The following FAM193B variants were observed in gnomAD, a reference collection of about 807,000 sequenced individuals.
The protein encoded by FAM193B is protein FAM193B.
A neutral mutation model predicts 70.7 loss-of-function variants in FAM193B; 27 were observed. The observed-to-expected ratio is 0.38, with a 90% CI of 0.28 to 0.53. The LOEUF (loss-of-function observed/expected upper bound fraction) is 0.53. FAM193B is among the 20% of genes least tolerant of loss of function. The probability of loss-of-function intolerance (pLI) is 0.81; values close to 1 mark genes in which losing one functional copy is unlikely to be tolerated. For synonymous variants in FAM193B, 448 were observed against 436.0 expected, an observed-to-expected ratio of 1.03 and a Z score of -0.34; for missense variants, 1,022 against 1,072.5, an observed-to-expected ratio of 0.95 and a Z score of 0.66.
rs1762880432 is a variant in FAM193B, at chr5:177,528,029, C to T, written c.1276-2824G>A. 2.6e-5 allele frequency among the ~76,000 whole-genome samples: 4 copies of T among 152,224 alleles called. No homozygotes were observed. In the South Asian group the frequency reaches 8.3e-4, roughly 32 times the overall value. ...TGGCATCTCTTTCCCAGGGAGATGT[C>T]CCCATGAAGGAGGGTCAAGTGGAGG... On this transcript the variant is annotated intron_variant, in intron 5 of 8. Coordinates refer to ENST00000514747, the MANE Select transcript of FAM193B (RefSeq NM_001190946.3).
At chr5:177,552,276 C>T (rs1281088383) in intron 1 of FAM193B, 2 of 155,144 alleles carry the variant, frequency 1.3e-5, no homozygotes, top group African/African-American at 4.8e-5. Context: ...CATCAATGGT[C>T]AATTCATCAT....
intron 7 of FAM193B, 107 bp from the exon 8 acceptor site, chr5:177,522,178 C>T: frequency 1.2e-5 from 11 of 886,204 alleles, no homozygotes; most frequent in Non-Finnish European, 2.0e-5. Context: ...AGGTTCTCTA[C>T]AAAACCTCTT....
chr5:177,541,512 A>G (rs1001715786), intron 1 of FAM193B, among the ~76,000 whole-genome samples: 1 of 151,860 alleles, frequency 6.6e-6, no homozygotes, highest in Non-Finnish European at 1.5e-5. Context: ...TCCGCCTCCC[A>G]GGTTCACGCC....
chr5:177,530,039 T>C (rs1025908407), intron 5 of FAM193B, among the ~76,000 whole-genome samples: 1 of 152,224 alleles, frequency 6.6e-6, no homozygotes, highest in Non-Finnish European at 1.5e-5. Context: ...TGGAACTAGC[T>C]GGTTGTTACA....
chr5:177,524,320 C>T lies in FAM193B; in HGVS notation c.2161G>A (p.Gly721Ser). ...TCCTGAGGCCGTGCCTTGGCCTCGCCTGGCCAGTTTCGCCAGGAGCTGCCC... is the reference window on the plus strand; with the variant it reads ...TCCTGAGGCCGTGCCTTGGCCTCGCTTGGCCAGTTTCGCCAGGAGCTGCCC... Reference protein sequence around the residue: ...EKGSSWRNWPGEAKARPQEQE... With the variant: ...EKGSSWRNWPSEAKARPQEQE... The change falls in exon 6 of 9, where the codon GGC becomes AGC. Residue 721 changes from glycine to serine, a missense_variant. Coordinates refer to ENST00000514747, the MANE Select transcript of FAM193B (RefSeq NM_001190946.3). 6.3e-7 allele frequency: 1 copy of T among 1,585,744 alleles called. No homozygotes were observed. Among genetic ancestry groups the T allele is most frequent in the South Asian group, 1.1e-5 (1 of 87,184 alleles).
rs1561774281 is a variant in FAM193B at position 177,538,100 on chromosome 5, AAGG to A, written c.458_460del (p.Ser153del). 6.5e-7 allele frequency: 1 copy of A among 1,540,512 alleles called. No individual in the cohort carries two copies. The highest frequency in any genetic ancestry group is 8.8e-7 in the Non-Finnish European group (1 of 1,137,562). On this transcript the variant is annotated inframe_deletion, in exon 3 of 9. Coordinates refer to ENST00000514747, the MANE Select transcript of FAM193B (RefSeq NM_001190946.3). The surrounding 1 kb of genome is among the most constrained non-coding windows in gnomAD (Gnocchi z 4.1). The stretch of plus-strand genomic sequence containing the variant: ...CTGTGATTTGCAGGATGTGTGTGAC[AAGG>A]AGATCTGGAGAAGGGGGAGGAAAAA...
rs75183240 is a variant in FAM193B at position 177,550,132 on chromosome 5, T to C, written c.210+4117A>G. Among the ~76,000 whole-genome samples, 771 of 152,158 alleles carry C rather than the reference T, an allele frequency of 5.1e-3. 5 individuals carry two copies. Among genetic ancestry groups the C allele is most frequent in the African/African-American group, 0.018 (731 of 41,452 alleles). Reference sequence around the variant, plus strand: ...GAGTTTGAGGATAGCCTGGGCAACATAGCAAGATCCTATCTCTAAATTAAA... The same window carrying C: ...GAGTTTGAGGATAGCCTGGGCAACACAGCAAGATCCTATCTCTAAATTAAA... On this transcript the variant is annotated intron_variant, in intron 1 of 8. Transcript: ENST00000514747.
In FAM193B at chr5:177,524,342, G is replaced by A. The variant is rs1581839518; in HGVS notation, c.2139C>T (p.Gly713=). 1.9e-6 allele frequency: 3 copies of A among 1,579,988 alleles called. No individual in the cohort carries two copies. Among genetic ancestry groups the A allele is most frequent in the Non-Finnish European group, 2.6e-6 (3 of 1,163,466 alleles). The change falls in exon 6 of 9, where the codon GGC becomes GGT. Residue 713 remains glycine, a synonymous_variant. Transcript: ENST00000514747. ...AGSPKTEKEK[G]SSWRNWPGEA... is the part of the protein sequence containing the mutation. ...CGCCTGGCCAGTTTCGCCAGGAGCT[G>A]CCCTTCTCCTTCTCAGTTTTGGGAC...
intron 5 of FAM193B, chr5:177,531,983 C>A: frequency 1.6e-6 from 2 of 1,289,410 alleles, no homozygotes; most frequent in African/African-American, 1.5e-5. Context: ...CTTCCTCCCC[C>A]TGGCCAGAGC....
intron 1 of FAM193B, among the ~76,000 whole-genome samples, chr5:177,543,069 C>T (rs1208029152): frequency 6.6e-6 from 1 of 152,116 alleles, no homozygotes; most frequent in Non-Finnish European, 1.5e-5. Context: ...CAATCTTAAC[C>T]GCGTTAAGAG....
chr5:177,538,987 T>C lies in FAM193B; in HGVS notation c.371A>G (p.Glu124Gly). ...MPKLVKNLLG[E>G]MPLWVCQSCR... ...ACTCTGGCAGACCCACAGAGGCATC[T>C]CGCCTAGGAGATTCTTGACGAGCTT... Residue 124 changes from glutamate (E) to glycine (G), a missense_variant, in exon 2 of 9, where the codon GAG (glutamate) becomes GGG (glycine). Transcript: ENST00000514747. This position sits in a 1 kb window ranked among gnomAD's most constrained non-coding sequence, Gnocchi z 4.1. 2 of 1,614,048 alleles carry C rather than the reference T, an allele frequency of 1.2e-6. No individual in the cohort carries two copies. Among genetic ancestry groups the C allele is most frequent in the East Asian group, 4.5e-5 (2 of 44,886 alleles).
chr5:177,547,432 G>C (rs528233731), intron 1 of FAM193B, among the ~76,000 whole-genome samples: 6 of 150,354 alleles, frequency 4.0e-5, no homozygotes, highest in Admixed American at 6.6e-5. Context: ...CTACAGGCAC[G>C]CGCCACCATG....
Position 177,538,779 on chromosome 5 carries a change from C to A in FAM193B, c.453+126G>T. On this transcript the variant is annotated intron_variant, in intron 2 of 8. Coordinates refer to ENST00000514747, the MANE Select transcript of FAM193B (RefSeq NM_001190946.3). The surrounding 1 kb of genome is among the most constrained non-coding windows in gnomAD (Gnocchi z 4.1). The stretch of plus-strand genomic sequence containing the variant: ...GCTGCCAATGCTGTGCCAGTGCAGC[C>A]CAGAAGTCTCTCAGTGCCTGGGCAT... 1 of 1,311,070 alleles carries A rather than the reference C, an allele frequency of 7.6e-7. No individual in the cohort carries two copies. Among genetic ancestry groups the A allele is most frequent in the Non-Finnish European group, 1.1e-6 (1 of 951,712 alleles). 81.2% of individuals were successfully genotyped at this position (1,311,070 alleles called of 1,614,324 possible).
Position 177,532,728 on chromosome 5 carries a change from G to T in FAM193B, c.1077-87C>A. 7.8e-7 allele frequency: 1 copy of T among 1,287,320 alleles called. No homozygotes were observed. The highest frequency in any genetic ancestry group is 1.0e-6 in the Non-Finnish European group (1 of 976,264). The allele number at this position is 1,287,320 out of a possible 1,614,324, so 79.7% of individuals were successfully genotyped here. ...CCAACCACCACCTGCCATCCTGACC[G>T]CCCTTCACTTGCCCCACTCCACAGA... On this transcript the variant is annotated intron_variant, in intron 4 of 8. Transcript: ENST00000514747. This position sits in a 1 kb window ranked among gnomAD's most constrained non-coding sequence, Gnocchi z 4.9.
At chr5:177,531,273 T>C in intron 5 of FAM193B, 1 of 1,297,392 alleles carries the variant, frequency 7.7e-7, no homozygotes, top group Non-Finnish European at 1.0e-6. Flanking sequence ...GGGCTCTCCC[T>C]ACACCCACCT....
Position 177,538,013 on chromosome 5 carries a change from G to A in FAM193B, c.548C>T (p.Ser183Phe), listed in dbSNP as rs1764379621. 2 of 1,556,490 alleles carry A rather than the reference G, an allele frequency of 1.3e-6. No homozygotes were observed. The highest frequency in any genetic ancestry group is 1.2e-5 in the South Asian group (1 of 84,276). Residue 183 changes from serine to phenylalanine, a missense_variant, in exon 3 of 9, where the codon TCC becomes TTC. By Grantham distance (155) the Ser-to-Phe change is radical. Transcript: ENST00000514747. The surrounding 1 kb of genome is among the most constrained non-coding windows in gnomAD (Gnocchi z 4.1). ...SSSSSSSSSS[S>F]SSCPGNSGDW... is the part of the protein sequence containing the mutation. ...TCCCGAGTTCCCAGGGCAGGAAGAG[G>A]AGGACGAGGATGAGGATGATGAGGA... is the stretch of plus-strand genomic sequence containing the variant.
chr5:177,534,270 T>C (rs1452082919), intron 4 of FAM193B, among the ~76,000 whole-genome samples: 1 of 151,676 alleles, frequency 6.6e-6, no homozygotes, highest in African/African-American at 2.4e-5. Context: ...CCATTCATTA[T>C]CTATTGCATT....
At chr5:177,546,287 C>T (rs970542309) in intron 1 of FAM193B, among the ~76,000 whole-genome samples, 3 of 152,224 alleles carry the variant, frequency 2.0e-5, no homozygotes, top group African/African-American at 7.2e-5. Flanking sequence ...AGTATAGCAT[C>T]ATCAAAATGT....
intron 3 of FAM193B, 124 bp from the exon 4 acceptor site, chr5:177,536,869 G>A (rs1472433610): frequency 3.1e-6 from 4 of 1,302,042 alleles, no homozygotes; most frequent in East Asian, 2.7e-5. Flanking sequence ...CAGCACAGGG[G>A]ACCCTGGAGC....
Sources: allele counts gnomAD v4.1 joint callset (sites outside exome capture counted in the v4.1 genomes callset), GRCh38; gene constraint gnomAD v4.1.1; non-coding constraint Gnocchi (gnomAD v3.1); transcripts MANE v1.5; gene names NCBI Gene and HGNC (gene_info 2026-07-23, HGNC 2026-07-21).